CREBRF: variants seen among roughly 807,000 people sequenced by gnomAD.
CREBRF encodes the protein UPF0474 protein C5orf41.
Under a neutral mutation model 66.1 loss-of-function variants are expected in CREBRF, and 5 were observed. That is an observed-to-expected ratio of 0.08 (90% CI 0.04 to 0.16). CREBRF has a LOEUF of 0.16. Among genes scored for constraint, CREBRF ranks in the 10% least tolerant of loss-of-function variants. The probability of loss-of-function intolerance (pLI) is 1.00; values close to 1 mark genes in which losing one functional copy is unlikely to be tolerated. For synonymous variants in CREBRF, 229 were observed against 264.4 expected (o/e 0.87, Z 1.30); for missense variants, 531 against 744.9 (o/e 0.71, Z 3.34).
At chr5:173,082,003 GTTTTTTTTTTT>G (rs869148787) in intron 2 of CREBRF, among the ~76,000 whole-genome samples, 11 of 78,076 alleles carry the variant, frequency 1.4e-4, no homozygotes, top group Admixed American at 7.8e-4. Context: ...TCAAGGTTTA[GTTTTTTTTTTT>G]TTTTTTTTTT....
At chr5:173,130,961 C>A (rs1320701810) in intron 8 of CREBRF, among the ~76,000 whole-genome samples, 2 of 152,186 alleles carry the variant, frequency 1.3e-5, no homozygotes, top group Admixed American at 6.5e-5. Flanking sequence ...CCCACCTTGG[C>A]CACCCAAAGT....
chr5:173,130,694 A>ATTTATT lies in CREBRF; in HGVS notation c.1805-2908_1805-2903dup, dbSNP rs554616115. On this transcript the variant is annotated intron_variant, in intron 8 of 8. Transcript: ENST00000296953. ...GTGCGCCACCATGTCCAGCTAATTT[A>ATTTATT]TTTATTTTTATTTTTATTTTTATTT... Among the ~76,000 whole-genome samples the ATTTATT allele has an allele frequency of 3.8e-3, 578 of 151,716 alleles. 2 individuals are homozygous for ATTTATT. Among genetic ancestry groups the ATTTATT allele is most frequent in the African/African-American group, 0.011 (465 of 41,336 alleles).
rs1241949680 is a variant in CREBRF at position 173,134,885 on chromosome 5, C to T, written c.*1140C>T. On this transcript the variant is annotated 3_prime_UTR_variant, in exon 9 of 9. Transcript: ENST00000296953. ...TTTTGCTGTTCCTCTAGTTCGCTTC[C>T]ATAGTAGATAAGTTGGTGGCCATTT... 2 of 152,426 alleles carry T rather than the reference C, an allele frequency of 1.3e-5. No homozygotes were observed. Among genetic ancestry groups the T allele is most frequent in the African/African-American group, 4.8e-5 (2 of 41,414 alleles). The allele number at this position is 152,426 out of a possible 1,614,324, so 9.4% of individuals were successfully genotyped here.
At chr5:173,080,874 T>C in intron 2 of CREBRF, 90 bp downstream of exon 2, 1 of 1,239,718 alleles carries the variant, frequency 8.1e-7, no homozygotes, top group East Asian at 2.4e-5. Context: ...TAACACAACT[T>C]TGCATACTAC....
intron 8 of CREBRF, chr5:173,124,240 T>C (rs1173521971): frequency 6.6e-6 from 1 of 152,192 alleles, no homozygotes; most frequent in Admixed American, 6.5e-5. Context: ...TCCATTTTCT[T>C]TTGGCATAAA....
intron 1 of CREBRF, among the ~76,000 whole-genome samples, chr5:173,062,838 C>T (rs1187815408): frequency 2.0e-5 from 3 of 150,016 alleles, no homozygotes; most frequent in East Asian, 1.9e-4. Flanking sequence ...AGCTCTGCCT[C>T]CCGGGTTCAC....
intron 8 of CREBRF, among the ~76,000 whole-genome samples, chr5:173,129,201 C>G (rs1205451758): frequency 6.9e-6 from 1 of 144,138 alleles, no homozygotes; most frequent in African/African-American, 2.6e-5. Context: ...ACTGCAAACT[C>G]CACCTCCCGG....
chr5:173,078,416 A>T (rs1757835627), intron 1 of CREBRF, among the ~76,000 whole-genome samples: 1 of 151,848 alleles, frequency 6.6e-6, no homozygotes, highest in South Asian at 2.1e-4. Context: ...CATATACAAC[A>T]TCTCCTTATT....
In CREBRF at chr5:173,074,225, C is replaced by T. The variant is rs537595656; in HGVS notation, c.-191-6360C>T. ...CTGAGGCAGGAGAATGGCTTGAACCCTGGAGGTGGAGGTTGCAGTGAGCTG... is the reference window on the plus strand; with the variant it reads ...CTGAGGCAGGAGAATGGCTTGAACCTTGGAGGTGGAGGTTGCAGTGAGCTG... On this transcript the variant is annotated intron_variant, in intron 1 of 8. Transcript: ENST00000296953. 2.0e-5 allele frequency among the ~76,000 whole-genome samples: 3 copies of T among 150,714 alleles called. No homozygotes were observed. The East Asian group carries it at 5.9e-4, about 29-fold the overall frequency.
intron 5 of CREBRF, chr5:173,110,215 A>G (rs963474950): frequency 1.2e-5 from 5 of 401,998 alleles, no homozygotes; most frequent in Middle Eastern, 8.0e-4. Context: ...GAGATTTGAG[A>G]TGCTTAGTAT....
At chr5:173,109,007 C>T in intron 5 of CREBRF, 189 bp downstream of exon 5, 1 of 559,794 alleles carries the variant, frequency 1.8e-6, no homozygotes, top group Non-Finnish European at 3.1e-6. Flanking sequence ...TGTTAAGAGT[C>T]CTCACCTAAG....
rs1313139296 is a variant in CREBRF, at chr5:173,062,669, C to CT, written c.-192+6192dup. Among the ~76,000 whole-genome samples the CT allele has an allele frequency of 4.7e-5, 7 of 147,732 alleles. No homozygotes were observed. The East Asian group carries it at 1.2e-3, about 25-fold the overall frequency. On this transcript the variant is annotated intron_variant, in intron 1 of 8. Transcript: ENST00000296953. ...TATTTGGCAAATGTGGATGGAATCT[C>CT]TTATTTCATACAGGTTTGGGATAAT...
chr5:173,102,485 G>T (rs572380768), intron 4 of CREBRF, among the ~76,000 whole-genome samples: 1 of 152,246 alleles, frequency 6.6e-6, no homozygotes, highest in African/African-American at 2.4e-5. Context: ...GGAGTCAGCA[G>T]CCAGGTGGGT....
intron 4 of CREBRF, among the ~76,000 whole-genome samples, chr5:173,106,732 CTATTTTATTTTATTT>C (rs70984940): frequency 8.1e-5 from 12 of 148,258 alleles, no homozygotes; most frequent in Middle Eastern, 3.5e-3. Flanking sequence ...ATTCCCTCTT[CTATTTTATTTTATTT>C]TATTTTATTT....
chr5:173,082,003 G>GTTTTTTTTTTTTTTTTTTTTTT (rs869148787), intron 2 of CREBRF, among the ~76,000 whole-genome samples: 2 of 78,076 alleles, frequency 2.6e-5, no homozygotes, highest in Non-Finnish European at 4.9e-5. Flanking sequence ...TCAAGGTTTA[G>GTTTTTTTTTTTTTTTTTTTTTT]TTTTTTTTTT....
intron 1 of CREBRF, among the ~76,000 whole-genome samples, chr5:173,067,173 T>G (rs559841373): frequency 1.3e-5 from 2 of 152,348 alleles, no homozygotes; most frequent in African/African-American, 4.8e-5. Flanking sequence ...ATTTATCTGT[T>G]TATCAGTGGG....
chr5:173,112,243 T>C (rs1758887262), intron 6 of CREBRF, 63 bp from the exon 7 acceptor site: 3 of 1,226,464 alleles, frequency 2.4e-6, no homozygotes, highest in Non-Finnish European at 3.4e-6. Flanking sequence ...TTCTCCGTAA[T>C]TAAAAATAAT....
chr5:173,068,144 C>T (rs372993673), intron 1 of CREBRF: 14 of 452,970 alleles, frequency 3.1e-5, no homozygotes, highest in South Asian at 7.8e-5. Context: ...TAAAAACTAA[C>T]GAGTTACTGT....
chr5:173,089,854 G>A (rs972362734), intron 3 of CREBRF, among the ~76,000 whole-genome samples: 16 of 151,940 alleles, frequency 1.1e-4, no homozygotes, highest in Admixed American at 2.0e-4. Context: ...TGTAATGAGG[G>A]TGTCTTTATT....
Sources: allele counts gnomAD v4.1 joint callset (sites outside exome capture counted in the v4.1 genomes callset), GRCh38; gene constraint gnomAD v4.1.1; transcripts MANE v1.5; gene names NCBI Gene and HGNC (gene_info 2026-07-23, HGNC 2026-07-21).